EXTL3: variants seen among roughly 807,000 people sequenced by gnomAD.
EXTL3 encodes the protein exostosin like glycosyltransferase 3, also known as exostosin-like 3.
In EXTL3, 27 loss-of-function variants were observed where a neutral mutation model predicts 69.3. The observed-to-expected ratio is 0.39, with a 90% CI of 0.29 to 0.54. The LOEUF (loss-of-function observed/expected upper bound fraction) is 0.54. Among genes scored for constraint, EXTL3 ranks in the 20% least tolerant of loss-of-function variants. The probability of loss-of-function intolerance (pLI) is 0.69; values close to 1 mark genes in which losing one functional copy is unlikely to be tolerated. For synonymous variants in EXTL3, 511 were observed against 499.4 expected, an observed-to-expected ratio of 1.02 and a Z score of -0.31; for missense variants, 1,003 against 1,231.8, an observed-to-expected ratio of 0.81 and a Z score of 2.78.
At chr8:28,670,294 G>T (rs539438451) in intron 1 of EXTL3, among the ~76,000 whole-genome samples, 2 of 151,922 alleles carry the variant, frequency 1.3e-5, no homozygotes, top group African/African-American at 4.8e-5. Flanking sequence ...AGAAATTAAG[G>T]CAGCAAACAG....
intron 4 of EXTL3, among the ~76,000 whole-genome samples, chr8:28,735,107 A>G (rs1286352565): frequency 7.8e-6 from 1 of 128,764 alleles, no homozygotes; most frequent in Non-Finnish European, 1.6e-5. Context: ...TTTTTTTTAC[A>G]CGATAATAGT....
chr8:28,733,744 C>G (rs1801589535), intron 4 of EXTL3, among the ~76,000 whole-genome samples: 2 of 151,450 alleles, frequency 1.3e-5, no homozygotes, highest in Non-Finnish European at 2.9e-5. Context: ...GCTTATTGAT[C>G]AGTTAGCCTT....
rs376869552 is a variant in EXTL3, at chr8:28,717,831, G to A, written c.1772G>A (p.Arg591His). 4 of 1,611,808 alleles carry A rather than the reference G, an allele frequency of 2.5e-6. No homozygotes were observed. The highest frequency in any genetic ancestry group is 1.1e-5 in the South Asian group (1 of 91,046). ...CCCTACGCCTCACCCAGATACCTCC[G>A]CAATTTCACTCTGACTGTCACTGAC... ...EPPYASPRYL[R>H]NFTLTVTDFY... The change falls in exon 3 of 7, where the codon CGC (arginine) becomes CAC (histidine). Residue 591 changes from arginine (R) to histidine (H), a missense_variant. By Grantham distance (29) the Arg-to-His change is conservative (BLOSUM62 0). Transcript: ENST00000220562. The surrounding 1 kb of genome is among the most constrained non-coding windows in gnomAD (Gnocchi z 8.3).
chr8:28,747,792 G>A (rs1162782317), intron 6 of EXTL3, among the ~76,000 whole-genome samples: 8 of 144,286 alleles, frequency 5.5e-5, no homozygotes, highest in Admixed American at 5.0e-4. Flanking sequence ...GCAGTGGCAC[G>A]ATCTCAGGTC....
At chr8:28,625,585 C>G (rs1039755142) in intron 1 of EXTL3, among the ~76,000 whole-genome samples, 1 of 152,216 alleles carries the variant, frequency 6.6e-6, no homozygotes, top group Non-Finnish European at 1.5e-5. Flanking sequence ...AAAAACATCA[C>G]TCTATTCCTA....
chr8:28,639,827 G>A (rs898519210), intron 1 of EXTL3, among the ~76,000 whole-genome samples: 2 of 152,214 alleles, frequency 1.3e-5, no homozygotes, highest in Non-Finnish European at 2.9e-5. Context: ...TCACCCATGG[G>A]CGCAGTGGCT....
intron 1 of EXTL3, among the ~76,000 whole-genome samples, chr8:28,624,668 C>A (rs2130548484): frequency 6.6e-6 from 1 of 151,996 alleles, no homozygotes. Context: ...TTTTGACTTC[C>A]CTGGAGGGAC....
At chr8:28,617,997 A>C (rs764338394), upstream of EXTL3, among the ~76,000 whole-genome samples, 33 of 152,258 alleles carry the variant, frequency 2.2e-4, no homozygotes, top group Admixed American at 4.6e-4. Flanking sequence ...GGGAGAGGGG[A>C]GTGGAAATTA....
chr8:28,704,060 T>C (rs924860624), intron 1 of EXTL3, among the ~76,000 whole-genome samples: 1 of 152,236 alleles, frequency 6.6e-6, no homozygotes, highest in Non-Finnish European at 1.5e-5. Flanking sequence ...TGCACAGTCC[T>C]TTTAAATTTT....
At chr8:28,663,557 T>C (rs1807149131) in intron 1 of EXTL3, among the ~76,000 whole-genome samples, 1 of 152,138 alleles carries the variant, frequency 6.6e-6, no homozygotes, top group South Asian at 2.1e-4. Context: ...GTTCAAGCAA[T>C]TCTCCTGTCT....
rs73669845 is a variant in EXTL3, at chr8:28,648,308, C to G, written c.-53+25498C>G. ...TGGATTTTTTTTCCTGGCCCTGAGT[C>G]TTTCGGAAAGATGTGATTCCTCAGC... is the stretch of plus-strand genomic sequence containing the variant. On this transcript the variant is annotated intron_variant, in intron 1 of 6. Transcript: ENST00000523149. Among the ~76,000 whole-genome samples, 248 of 152,180 alleles carry G rather than the reference C, an allele frequency of 1.6e-3. 2 individuals carry two copies. The highest frequency in any genetic ancestry group is 5.7e-3 in the African/African-American group (237 of 41,532).
chr8:28,667,581 C>T (rs1807216455), intron 1 of EXTL3, among the ~76,000 whole-genome samples: 1 of 152,148 alleles, frequency 6.6e-6, no homozygotes, highest in East Asian at 1.9e-4. Flanking sequence ...AGCTGTAATG[C>T]TTTGGCAAGC....
rs147958076 is a variant in EXTL3 at position 28,654,753 on chromosome 8, C to T, written c.-53+31943C>T. ...CTTTAGATGTTTGACTTTCTGGAGC[C>T]CCATCTTCTTTTTCATACCCCAATT... On this transcript the variant is annotated intron_variant, in intron 1 of 6. Transcript: ENST00000523149. Among the ~76,000 whole-genome samples the T allele has an allele frequency of 1.4e-4, 22 of 152,142 alleles. No individual in the cohort carries two copies. In the East Asian group the frequency reaches 3.9e-3, roughly 27 times the overall value.
At chr8:28,666,256 T>C (rs1324960704) in intron 1 of EXTL3, among the ~76,000 whole-genome samples, 1 of 152,146 alleles carries the variant, frequency 6.6e-6, no homozygotes, top group East Asian at 1.9e-4. Context: ...TCTCTTTTCT[T>C]TTCTTTTCTT....
intron 1 of EXTL3, among the ~76,000 whole-genome samples, chr8:28,667,482 A>G (rs1473161086): frequency 6.6e-6 from 1 of 152,014 alleles, no homozygotes; most frequent in Non-Finnish European, 1.5e-5. Context: ...CCAAGTGGCT[A>G]CCCTCCTCAC....
chr8:28,675,857 A>C (rs993305177), intron 1 of EXTL3, among the ~76,000 whole-genome samples: 2 of 151,982 alleles, frequency 1.3e-5, no homozygotes, highest in Admixed American at 6.6e-5. Context: ...CCCCATCTCT[A>C]CTAAAAATAC....
chr8:28,722,944 G>C (rs2130753267), intron 3 of EXTL3, among the ~76,000 whole-genome samples: 1 of 152,084 alleles, frequency 6.6e-6, no homozygotes, highest in Non-Finnish European at 1.5e-5. Context: ...TAGTCTATTA[G>C]GGAAAAGGGA....
At chr8:28,691,090 A>T (rs1316230953) in intron 1 of EXTL3, among the ~76,000 whole-genome samples, 1 of 152,238 alleles carries the variant, frequency 6.6e-6, no homozygotes, top group Non-Finnish European at 1.5e-5. Flanking sequence ...CCAGTAAAAT[A>T]AAAAATAACT....
intron 1 of EXTL3, among the ~76,000 whole-genome samples, chr8:28,663,256 A>G (rs140854838): frequency 6.6e-6 from 1 of 152,112 alleles, no homozygotes; most frequent in African/African-American, 2.4e-5. Flanking sequence ...TAAGATTAGG[A>G]TGGGTAAGGG....
Sources: allele counts gnomAD v4.1 joint callset (sites outside exome capture counted in the v4.1 genomes callset), GRCh38; gene constraint gnomAD v4.1.1; non-coding constraint Gnocchi (gnomAD v3.1); transcripts MANE v1.5; gene names NCBI Gene and HGNC (gene_info 2026-07-23, HGNC 2026-07-21).